TRABD2B: variants seen among roughly 807,000 people sequenced by gnomAD.
The protein encoded by TRABD2B is TraB domain containing 2B.
A neutral mutation model predicts 40.1 loss-of-function variants in TRABD2B; 14 were observed. That is an observed-to-expected ratio of 0.35 (90% CI 0.23 to 0.55). The LOEUF (loss-of-function observed/expected upper bound fraction) is 0.55, where lower values mean the gene tolerates loss of function less well. TRABD2B is among the 20% of genes least tolerant of loss of function. The pLI, the probability that TRABD2B is intolerant of heterozygous loss-of-function variation, is 0.90. For missense variants in TRABD2B, 541 were observed against 648.6 expected (o/e 0.83, Z 1.80); for synonymous variants, 263 against 277.0 (o/e 0.95, Z 0.50).
At chr1:47,769,859 G>A (rs1314210335) in intron 6 of TRABD2B, among the ~76,000 whole-genome samples, 10 of 152,174 alleles carry the variant, frequency 6.6e-5, no homozygotes, top group Non-Finnish European at 4.4e-5. Flanking sequence ...TCTAGACCTC[G>A]GTTTCCCCAT....
chr1:47,801,381 T>A, intron 3 of TRABD2B, 92 bp downstream of exon 3: 3 of 1,343,588 alleles, frequency 2.2e-6, no homozygotes, highest in Non-Finnish European at 3.0e-6. Context: ...TAGCTCCTTC[T>A]TGCCATGGCT....
chr1:47,827,854 C>G (rs1464126520), intron 2 of TRABD2B, among the ~76,000 whole-genome samples: 3 of 151,920 alleles, frequency 2.0e-5, no homozygotes, highest in Non-Finnish European at 4.4e-5. Flanking sequence ...TGAGGTACCC[C>G]CCTTTTTAAA....
At chr1:47,778,227 CT>C (rs1644473704) in intron 5 of TRABD2B, among the ~76,000 whole-genome samples, 1 of 152,238 alleles carries the variant, frequency 6.6e-6, no homozygotes, top group Non-Finnish European at 1.5e-5. Context: ...CCTCTCCAGT[CT>C]TAACGCTGCT....
chr1:47,771,625 C>G (rs1000126100), intron 6 of TRABD2B, among the ~76,000 whole-genome samples: 1 of 152,236 alleles, frequency 6.6e-6, no homozygotes, highest in East Asian at 1.9e-4. Flanking sequence ...ACAGGTCCCA[C>G]GCTGCACAGA....
chr1:47,835,788 T>C lies in TRABD2B; in HGVS notation c.667-34169A>G, dbSNP rs75587791. ...CTGAAGTGAATCATTTAGGCTGAAA[T>C]GAAAGGACACTAGACAGCGACATAA... is the stretch of plus-strand genomic sequence containing the variant. On this transcript the variant is annotated intron_variant, in intron 2 of 6. Coordinates refer to ENST00000606738, the MANE Select transcript of TRABD2B (RefSeq NM_001194986.2). Among the ~76,000 whole-genome samples the C allele has an allele frequency of 5.3e-3, 805 of 152,212 alleles. 7 individuals carry two copies. The highest frequency in any genetic ancestry group is 0.017 in the African/African-American group (705 of 41,518).
At chr1:47,939,995 G>A (rs1645164306) in intron 2 of TRABD2B, among the ~76,000 whole-genome samples, 1 of 152,156 alleles carries the variant, frequency 6.6e-6, no homozygotes, top group African/African-American at 2.4e-5. Flanking sequence ...ACTCTATCAT[G>A]GAAGGCCCTT....
At chr1:47,780,640 T>C (rs1366803639) in intron 4 of TRABD2B, among the ~76,000 whole-genome samples, 1 of 152,058 alleles carries the variant, frequency 6.6e-6, no homozygotes, top group African/African-American at 2.4e-5. Flanking sequence ...GGGGCACTGC[T>C]AGCTGCAGGG....
intron 4 of TRABD2B, among the ~76,000 whole-genome samples, chr1:47,783,895 A>G (rs1201058107): frequency 6.6e-6 from 1 of 152,140 alleles, no homozygotes; most frequent in African/African-American, 2.4e-5. Context: ...CACCCCACTC[A>G]TCAATTAACC....
rs1644238963 is a variant in TRABD2B at position 47,761,085 on chromosome 1, T to A, written c.*4817A>T. 1 of 152,336 alleles carries A rather than the reference T, an allele frequency of 6.6e-6. No homozygotes were observed. Among genetic ancestry groups the A allele is most frequent in the Non-Finnish European group, 1.5e-5 (1 of 68,160 alleles). The allele number at this position is 152,336 out of a possible 1,614,324, so 9.4% of individuals were successfully genotyped here. On this transcript the variant is annotated 3_prime_UTR_variant, in exon 7 of 7. Transcript: ENST00000606738. ...CCATGGAGGCCCAAGATTGTCCATGTCACCCCTGCCCTCCAGCCCTAGAAC... is the reference window on the plus strand; with the variant it reads ...CCATGGAGGCCCAAGATTGTCCATGACACCCCTGCCCTCCAGCCCTAGAAC...
chr1:47,894,999 C>A (rs1448817305), intron 2 of TRABD2B, among the ~76,000 whole-genome samples: 1 of 152,152 alleles, frequency 6.6e-6, no homozygotes, highest in Non-Finnish European at 1.5e-5. Flanking sequence ...CACCCCAGTC[C>A]TGGCTCAGCT....
intron 2 of TRABD2B, among the ~76,000 whole-genome samples, chr1:47,921,289 T>C (rs1644898604): frequency 6.6e-6 from 1 of 152,192 alleles, no homozygotes; most frequent in South Asian, 2.1e-4. Flanking sequence ...CTGGAGATGA[T>C]GATCTCCAAA....
At chr1:47,776,747 C>G (rs1456407090) in intron 5 of TRABD2B, among the ~76,000 whole-genome samples, 3 of 152,152 alleles carry the variant, frequency 2.0e-5, no homozygotes, top group Admixed American at 6.5e-5. Flanking sequence ...GGCCGTCTTC[C>G]CAGCCCACTC....
At chr1:47,770,463 G>A (rs1439655952) in intron 6 of TRABD2B, among the ~76,000 whole-genome samples, 3 of 152,236 alleles carry the variant, frequency 2.0e-5, no homozygotes, top group African/African-American at 7.2e-5. Context: ...GGCCATGACT[G>A]ATCAATTCCA....
chr1:47,949,917 T>C (rs1162054979), intron 2 of TRABD2B, among the ~76,000 whole-genome samples: 1 of 151,992 alleles, frequency 6.6e-6, no homozygotes, highest in East Asian at 1.9e-4. Context: ...TACATTCCAG[T>C]GGGAGAGACA....
At chr1:47,971,205 C>G (rs1298819770) in intron 2 of TRABD2B, among the ~76,000 whole-genome samples, 1 of 152,158 alleles carries the variant, frequency 6.6e-6, no homozygotes, top group Non-Finnish European at 1.5e-5. Flanking sequence ...TTCATTCATT[C>G]AGTGCACATA....
At chr1:47,811,102 T>C (rs1644959138) in intron 2 of TRABD2B, among the ~76,000 whole-genome samples, 1 of 152,170 alleles carries the variant, frequency 6.6e-6, no homozygotes, top group African/African-American at 2.4e-5. Flanking sequence ...CCTGTGGTCT[T>C]TGAAGGCCTG....
At chr1:47,770,473 A>G (rs769848072) in intron 6 of TRABD2B, among the ~76,000 whole-genome samples, 1 of 152,208 alleles carries the variant, frequency 6.6e-6, no homozygotes, top group Non-Finnish European at 1.5e-5. Flanking sequence ...GATCAATTCC[A>G]TCTTGGGCAC....
At chr1:47,821,351 G>C (rs934991367) in intron 2 of TRABD2B, among the ~76,000 whole-genome samples, 7 of 152,204 alleles carry the variant, frequency 4.6e-5, no homozygotes, top group Non-Finnish European at 8.8e-5. Flanking sequence ...CCCTCTGAGT[G>C]TTCCATGTTC....
chr1:47,892,430 A>G (rs1410580993), intron 2 of TRABD2B, among the ~76,000 whole-genome samples: 1 of 152,224 alleles, frequency 6.6e-6, no homozygotes, highest in Non-Finnish European at 1.5e-5. Flanking sequence ...TTTGCCACCC[A>G]AGTGGAGATT....
Sources: gnomAD v4.1 joint callset for allele counts (sites outside exome capture counted in the v4.1 genomes callset) on GRCh38, gnomAD v4.1.1 for gene constraint, MANE v1.5 for transcripts, NCBI Gene and HGNC (gene_info 2026-07-23, HGNC 2026-07-21) for gene names.